The following PPP6R3 variants were observed in gnomAD, a reference collection of about 807,000 sequenced individuals.
PPP6R3 encodes the protein protein phosphatase 6 regulatory subunit 3, also known as serine/threonine-protein phosphatase 6 regulatory subunit 3.
PPP6R3 carries 38 observed loss-of-function variants against 110.7 expected under a neutral mutation model. The observed-to-expected ratio is 0.34, with a 90% CI of 0.26 to 0.45. The LOEUF (loss-of-function observed/expected upper bound fraction) is 0.45, where lower values mean the gene tolerates loss of function less well. Ranked by LOEUF, PPP6R3 falls within the 20% of genes least tolerant of loss-of-function variation. PPP6R3 has a pLI of 1.00. For missense variants in PPP6R3, 870 were observed against 1,062.4 expected (o/e 0.82, Z 2.52); for synonymous variants, 369 against 373.5 (o/e 0.99, Z 0.14).
intron 13 of PPP6R3, among the ~76,000 whole-genome samples, chr11:68,575,632 T>C (rs1268935784): frequency 2.0e-5 from 3 of 152,210 alleles, no homozygotes; most frequent in South Asian, 2.1e-4. Flanking sequence ...AAACACACTT[T>C]CCAGGTTAAG....
In PPP6R3 at chr11:68,600,373, A is replaced by G. The variant is rs1489351832; in HGVS notation, c.2071A>G (p.Met691Val). 1.2e-6 allele frequency: 2 copies of G among 1,614,108 alleles called. No homozygotes were observed. Among genetic ancestry groups the G allele is most frequent in the South Asian group, 1.1e-5 (1 of 91,080 alleles). The part of the protein sequence containing the change: ...PNWSANFDVP[M>V]ETTHGAPLDS... ...CTGGTCAGCTAACTTTGATGTCCCA[A>G]TGGAAACAACCCACGGTGCTCCATT... The change falls in exon 20 of 24, where the codon ATG (methionine) becomes GTG (valine). Residue 691 changes from methionine (M) to valine (V), a missense_variant. Met to Val is a conservative substitution (Grantham distance 21). Coordinates refer to ENST00000393800, the MANE Select transcript of PPP6R3 (RefSeq NM_001164161.2).
chr11:68,488,468 C>T (rs2098962694), intron 1 of PPP6R3: 1 of 152,208 alleles, frequency 6.6e-6, no homozygotes, highest in South Asian at 2.1e-4. Flanking sequence ...GCCCAGCCCC[C>T]CATTCCTTTA....
At chr11:68,506,620 A>G (rs2099079445) in intron 1 of PPP6R3, among the ~76,000 whole-genome samples, 1 of 152,088 alleles carries the variant, frequency 6.6e-6, no homozygotes, top group South Asian at 2.1e-4. Context: ...TGAAATGCAC[A>G]GTGGGATGAG....
At chr11:68,570,515 C>T (rs943214118) in intron 11 of PPP6R3, among the ~76,000 whole-genome samples, 2 of 152,208 alleles carry the variant, frequency 1.3e-5, no homozygotes, top group African/African-American at 2.4e-5. Flanking sequence ...AGAACTAGCC[C>T]TGCACATTCC....
chr11:68,591,267 C>G (rs1454416968), intron 17 of PPP6R3, among the ~76,000 whole-genome samples: 1 of 151,828 alleles, frequency 6.6e-6, no homozygotes, highest in African/African-American at 2.4e-5. Context: ...CTTGCTAGGA[C>G]AGACCTGGGA....
chr11:68,611,154 G>A (rs1322255446), intron 23 of PPP6R3, among the ~76,000 whole-genome samples: 2 of 152,070 alleles, frequency 1.3e-5, no homozygotes, highest in Non-Finnish European at 2.9e-5. Flanking sequence ...TCTACGGATT[G>A]GGCAAGTCAC....
intron 19 of PPP6R3, among the ~76,000 whole-genome samples, chr11:68,600,002 A>G (rs967389796): frequency 5.9e-5 from 9 of 152,306 alleles, no homozygotes; most frequent in South Asian, 4.1e-4. Flanking sequence ...GGTGCCAGTA[A>G]TCCCAGCTAC....
At chr11:68,571,606 C>T (rs148427625) in intron 12 of PPP6R3, among the ~76,000 whole-genome samples, 413 of 152,300 alleles carry the variant, frequency 2.7e-3, no homozygotes, top group Non-Finnish European at 4.2e-3. Flanking sequence ...TTAGTTGATA[C>T]ATGTAAGTAG....
At chr11:68,525,653 G>T (rs1222919096) in intron 2 of PPP6R3, among the ~76,000 whole-genome samples, 1 of 152,120 alleles carries the variant, frequency 6.6e-6, no homozygotes, top group African/African-American at 2.4e-5. Flanking sequence ...AAAAAAACGG[G>T]CTTTTGAAAG....
intron 14 of PPP6R3, among the ~76,000 whole-genome samples, chr11:68,578,512 A>G (rs1309201554): frequency 1.3e-5 from 2 of 152,218 alleles, no homozygotes; most frequent in Non-Finnish European, 2.9e-5. Context: ...TCTGGAAGTC[A>G]TTTCAGGTAT....
chr11:68,529,007 C>T (rs1160377752), intron 2 of PPP6R3, among the ~76,000 whole-genome samples: 3 of 152,172 alleles, frequency 2.0e-5, no homozygotes, highest in Non-Finnish European at 4.4e-5. Context: ...GGTGTAAACA[C>T]GTCTGCCGCT....
chr11:68,500,487 T>A (rs1241603557), intron 1 of PPP6R3, among the ~76,000 whole-genome samples: 1 of 152,196 alleles, frequency 6.6e-6, no homozygotes, highest in Admixed American at 6.5e-5. Context: ...AAAACTTTTT[T>A]ATTTTTTTGA....
At chr11:68,482,222 CAAA>C (rs35130397) in intron 1 of PPP6R3, among the ~76,000 whole-genome samples, 4 of 87,016 alleles carry the variant, frequency 4.6e-5, no homozygotes, top group Non-Finnish European at 9.4e-5. Context: ...CCCATCTCTC[CAAA>C]AAAAAAAAAA....
intron 20 of PPP6R3, 71 bp downstream of exon 20, chr11:68,600,565 CGT>C: frequency 6.6e-7 from 1 of 1,522,644 alleles, no homozygotes; most frequent in South Asian, 1.3e-5. Context: ...TTGCTGTTAA[CGT>C]GTGTTCTTCA....
chr11:68,483,091 A>G (rs1565324687), intron 1 of PPP6R3, among the ~76,000 whole-genome samples: 1 of 152,174 alleles, frequency 6.6e-6, no homozygotes, highest in Non-Finnish European at 1.5e-5. Context: ...TTAGAATTAT[A>G]TTGTTTAGTG....
chr11:68,570,037 C>A, intron 11 of PPP6R3, 140 bp downstream of exon 11: 1 of 719,280 alleles, frequency 1.4e-6, no homozygotes, highest in Non-Finnish European at 2.1e-6. Flanking sequence ...GTGTTCGTTT[C>A]ACTTTTAACA....
intron 4 of PPP6R3, among the ~76,000 whole-genome samples, chr11:68,546,405 G>A (rs1048328098): frequency 6.6e-6 from 1 of 152,114 alleles, no homozygotes; most frequent in African/African-American, 2.4e-5. Context: ...GGCGAGCCCC[G>A]ATTTTCAGTG....
At chr11:68,523,713 C>T (rs1319681348) in intron 2 of PPP6R3, among the ~76,000 whole-genome samples, 3 of 134,248 alleles carry the variant, frequency 2.2e-5, no homozygotes, top group Non-Finnish European at 4.7e-5. Context: ...CCCTGCCCCC[C>T]CCCCCCCCTT....
chr11:68,609,855 G>T, intron 22 of PPP6R3, 49 bp from the exon 23 acceptor site: 2 of 1,610,378 alleles, frequency 1.2e-6, no homozygotes, highest in Non-Finnish European at 1.7e-6. Context: ...TGGTGCCTAG[G>T]TGCTGGTCCC....
Sources: gnomAD v4.1 joint callset for allele counts (sites outside exome capture counted in the v4.1 genomes callset) on GRCh38, gnomAD v4.1.1 for gene constraint, MANE v1.5 for transcripts, NCBI Gene and HGNC (gene_info 2026-07-23, HGNC 2026-07-21) for gene names.